Variants in SPATA17 observed in about 807,000 individuals in gnomAD.
SPATA17 encodes the protein spermatogenesis-associated protein 17.
In SPATA17, 53 loss-of-function variants were observed where a neutral mutation model predicts 62.2. The ratio of observed to expected loss-of-function variants is 0.85; its 90% CI spans 0.68 to 1.07. The LOEUF is 1.07. SPATA17 is among the 50% of genes least tolerant of loss of function. The probability of loss-of-function intolerance (pLI) is 0.00; values close to 1 mark genes in which losing one functional copy is unlikely to be tolerated. For synonymous variants in SPATA17, 146 were observed against 146.8 expected, an observed-to-expected ratio of 0.99 and a Z score of 0.04; for missense variants, 466 against 425.5, an observed-to-expected ratio of 1.10 and a Z score of -0.84.
chr1:217,660,163 A>G (rs1185800491), intron 3 of SPATA17, among the ~76,000 whole-genome samples: 1 of 152,148 alleles, frequency 6.6e-6, no homozygotes, highest in Non-Finnish European at 1.5e-5. Flanking sequence ...CTTATTTCCT[A>G]CGTATCCCTC....
chr1:217,762,262 T>C (rs1265587431), intron 6 of SPATA17, among the ~76,000 whole-genome samples: 1 of 152,190 alleles, frequency 6.6e-6, no homozygotes, highest in Non-Finnish European at 1.5e-5. Context: ...TACGACCTCT[T>C]TTTTAAGTTT....
rs1394523505 is a variant in SPATA17, at chr1:217,868,408, A to G, written c.*1389A>G. 3.3e-5 allele frequency: 5 copies of G among 152,280 alleles called. No homozygotes were observed. Among genetic ancestry groups the G allele is most frequent in the East Asian group, 3.9e-4 (2 of 5,164 alleles). 9.4% of individuals were successfully genotyped at this position (152,280 alleles called of 1,614,324 possible). On this transcript the variant is annotated 3_prime_UTR_variant, in exon 11 of 11. Transcript: ENST00000366933. ...AAATATCCTAAGTTGAAAATATTGT[A>G]AGTTAAAAATGCATTTAATACAGCT...
intron 9 of SPATA17, among the ~76,000 whole-genome samples, chr1:217,807,508 A>G (rs992588527): frequency 2.6e-5 from 4 of 152,190 alleles, no homozygotes; most frequent in African/African-American, 9.7e-5. Flanking sequence ...ACATCATAAC[A>G]CTACATATTC....
chr1:217,694,492 A>G (rs946083259), intron 5 of SPATA17, among the ~76,000 whole-genome samples: 4 of 137,676 alleles, frequency 2.9e-5, no homozygotes, highest in African/African-American at 1.1e-4. Context: ...GTCCATTTAC[A>G]TTTAAAGTTA....
At chr1:217,737,039 G>A (rs1296694365) in intron 5 of SPATA17, among the ~76,000 whole-genome samples, 1 of 152,102 alleles carries the variant, frequency 6.6e-6, no homozygotes, top group Non-Finnish European at 1.5e-5. Context: ...AGAAAAAAAA[G>A]TCCTATTGAT....
At chr1:217,714,534 G>C (rs1005830729) in intron 5 of SPATA17, among the ~76,000 whole-genome samples, 20 of 137,402 alleles carry the variant, frequency 1.5e-4, no homozygotes, top group Middle Eastern at 9.7e-3. Flanking sequence ...GCCCAGGCTG[G>C]AGTGCAGTGG....
At chr1:217,689,533 G>T (rs188362336) in intron 5 of SPATA17, among the ~76,000 whole-genome samples, 1 of 152,108 alleles carries the variant, frequency 6.6e-6, no homozygotes, top group Admixed American at 6.5e-5. Context: ...GTCTTTTTGT[G>T]TGCCGGAAAT....
intron 9 of SPATA17, among the ~76,000 whole-genome samples, chr1:217,849,226 A>T (rs1675592262): frequency 6.6e-6 from 1 of 152,124 alleles, no homozygotes; most frequent in Admixed American, 6.6e-5. Context: ...AGGCACAGAA[A>T]TGTTAGTTTA....
chr1:217,849,258 A>AG (rs1675592867), intron 9 of SPATA17, among the ~76,000 whole-genome samples: 1 of 152,178 alleles, frequency 6.6e-6, no homozygotes, highest in Non-Finnish European at 1.5e-5. Context: ...TGCCTGAGCC[A>AG]GGTTGACTGG....
intron 9 of SPATA17, among the ~76,000 whole-genome samples, chr1:217,823,703 T>C (rs1327151086): frequency 6.6e-6 from 1 of 151,982 alleles, no homozygotes; most frequent in East Asian, 1.9e-4. Context: ...TTGCTGAAAA[T>C]GGGGTGCTGA....
intron 9 of SPATA17, among the ~76,000 whole-genome samples, chr1:217,807,997 A>G (rs1426934530): frequency 6.6e-6 from 1 of 152,240 alleles, no homozygotes; most frequent in African/African-American, 2.4e-5. Context: ...AAGAGGCCTC[A>G]GTTCAAAAGT....
intron 4 of SPATA17, among the ~76,000 whole-genome samples, chr1:217,682,875 CGT>C (rs1671119471): frequency 6.6e-6 from 1 of 151,382 alleles, no homozygotes. Context: ...AAAAACTAAA[CGT>C]ATATTTCAAT....
At chr1:217,808,375 ACACACACCCC>A (rs753769920) in intron 9 of SPATA17, among the ~76,000 whole-genome samples, 6,368 of 90,268 alleles carry the variant, frequency 0.071, 218 homozygotes, top group Middle Eastern at 0.14. Context: ...ACACACACAC[ACACACACCCC>A]CCTCAGAATT....
chr1:217,775,883 A>G (rs1026030360), intron 7 of SPATA17, among the ~76,000 whole-genome samples: 1 of 152,150 alleles, frequency 6.6e-6, no homozygotes, highest in Non-Finnish European at 1.5e-5. Context: ...ATCTTGTTAT[A>G]TTGAATAAGA....
intron 8 of SPATA17, among the ~76,000 whole-genome samples, chr1:217,791,679 T>C (rs1673997304): frequency 6.6e-6 from 1 of 152,338 alleles, no homozygotes; most frequent in East Asian, 1.9e-4. Flanking sequence ...GTATATATCA[T>C]CAGACAAGTC....
chr1:217,673,260 G>A (rs1158988813), intron 4 of SPATA17, among the ~76,000 whole-genome samples: 1 of 152,116 alleles, frequency 6.6e-6, no homozygotes, highest in East Asian at 1.9e-4. Context: ...CGATTTGAAG[G>A]AGGTTTGCTG....
intron 8 of SPATA17, among the ~76,000 whole-genome samples, chr1:217,801,199 C>T (rs973436410): frequency 6.6e-6 from 1 of 152,110 alleles, no homozygotes; most frequent in African/African-American, 2.4e-5. Flanking sequence ...GGTAATACAG[C>T]TAGCAAAGCA....
chr1:217,837,610 A>G (rs1278318512), intron 9 of SPATA17, among the ~76,000 whole-genome samples: 1 of 152,020 alleles, frequency 6.6e-6, no homozygotes, highest in African/African-American at 2.4e-5. Flanking sequence ...TGCTCTGGGA[A>G]TTGGTGCTGT....
At chr1:217,768,797 T>C (rs1673366217) in intron 6 of SPATA17, among the ~76,000 whole-genome samples, 1 of 152,164 alleles carries the variant, frequency 6.6e-6, no homozygotes. Context: ...CGGTCAGCTC[T>C]ACCCATCTTT....
Sources: allele counts gnomAD v4.1 joint callset (sites outside exome capture counted in the v4.1 genomes callset), GRCh38; gene constraint gnomAD v4.1.1; transcripts MANE v1.5; gene names NCBI Gene and HGNC (gene_info 2026-07-23, HGNC 2026-07-21).